ANKFY1: variants seen among roughly 807,000 people sequenced by gnomAD.
ANKFY1 encodes ankyrin repeat and FYVE domain-containing protein 1.
In ANKFY1, 47 loss-of-function variants were observed where a neutral mutation model predicts 128.3. That is an observed-to-expected ratio of 0.37 (90% CI 0.29 to 0.47). ANKFY1 has a LOEUF of 0.47. Among genes scored for constraint, ANKFY1 ranks in the 20% least tolerant of loss-of-function variants. The pLI is 1.00. For synonymous variants in ANKFY1, 553 were observed against 601.6 expected, an observed-to-expected ratio of 0.92 and a Z score of 1.18; for missense variants, 1,222 against 1,510.6, an observed-to-expected ratio of 0.81 and a Z score of 3.17.
chr17:4,252,565 C>CAA (rs372440248), intron 1 of ANKFY1, among the ~76,000 whole-genome samples: 2,763 of 147,428 alleles, frequency 0.019, 80 homozygotes, highest in African/African-American at 0.065. Context: ...AACAAACAAA[C>CAA]AAAAAAAAAA....
At chr17:4,263,523 C>G in intron 1 of ANKFY1, 1 of 1,521,330 alleles carries the variant, frequency 6.6e-7, no homozygotes, top group Non-Finnish European at 8.8e-7. Flanking sequence ...CTTCCGCAAG[C>G]GAGGGATGGA....
chr17:4,182,165 G>A lies in ANKFY1; in HGVS notation c.2121+16C>T, dbSNP rs2059527649. On this transcript the variant is annotated intron_variant, in intron 15 of 24. Transcript: ENST00000341657. ...TCCCCATCTGTAAACAGAGGCTAACGTTGTGCCTGTCTCACCAGAGTGGAT... is the reference window on the plus strand; with the variant it reads ...TCCCCATCTGTAAACAGAGGCTAACATTGTGCCTGTCTCACCAGAGTGGAT... 6.8e-6 allele frequency: 10 copies of A among 1,475,954 alleles called. No homozygotes were observed. Among genetic ancestry groups the A allele is most frequent in the East Asian group, 2.5e-5 (1 of 40,392 alleles). The allele number at this position is 1,475,954 out of a possible 1,614,324, so 91.4% of individuals were successfully genotyped here. A position where few individuals can be genotyped will look rare whatever the true frequency, so the allele number is the denominator to read the frequency against.
At chr17:4,189,310 T>G in intron 11 of ANKFY1, 72 bp downstream of exon 11, 2 of 1,328,802 alleles carry the variant, frequency 1.5e-6, no homozygotes, top group South Asian at 1.3e-5. Flanking sequence ...TTCCCCTTTT[T>G]CCTACATATC....
Position 4,185,010 on chromosome 17 carries a change from G to C in ANKFY1, c.1507C>G (p.Leu503Val). The change falls in exon 12 of 25, where the codon CTG becomes GTG. Residue 503 changes from leucine to valine, a missense_variant. Physicochemically the swap from Leu to Val is conservative, Grantham distance 32. Transcript: ENST00000341657. ...AGGAGCTCTGCCGTGAGGTTGGCCA[G>C]GCCATGCCGACACGCTGTGTGCAAC... ...TPLHTACRHGLANLTAELLQQ... is the reference protein window; with the variant it reads ...TPLHTACRHGVANLTAELLQQ... 2 of 1,613,752 alleles carry C rather than the reference G, an allele frequency of 1.2e-6. No individual in the cohort carries two copies. Among genetic ancestry groups the C allele is most frequent in the Non-Finnish European group, 1.7e-6 (2 of 1,180,036 alleles).
At chr17:4,200,723 G>C (rs1292013326) in intron 7 of ANKFY1, among the ~76,000 whole-genome samples, 1 of 152,192 alleles carries the variant, frequency 6.6e-6, no homozygotes, top group Admixed American at 6.5e-5. Context: ...TCTTTCCATA[G>C]GATGTGCTTT....
chr17:4,257,318 T>A (rs1968180938), intron 1 of ANKFY1, among the ~76,000 whole-genome samples: 1 of 152,192 alleles, frequency 6.6e-6, no homozygotes, highest in African/African-American at 2.4e-5. Flanking sequence ...TCCTCTACAC[T>A]GCAGTCATTT....
chr17:4,235,830 G>A lies in ANKFY1; in HGVS notation c.264C>T (p.Ala88=). The change falls in exon 3 of 25, where the codon GCC becomes GCT. Residue 88 remains alanine, a synonymous_variant. Coordinates refer to ENST00000341657, the MANE Select transcript of ANKFY1 (RefSeq NM_001330063.2). ...TAGCCAGACTCCAGCTGTCACTGCG[G>A]GCTGCCAGGACAAACTTGTGAGCAC... The part of the protein sequence containing the change: ...HISAHKFVLA[A]RSDSWSLANL... 2 of 1,614,162 alleles carry A rather than the reference G, an allele frequency of 1.2e-6. No individual in the cohort carries two copies. Among genetic ancestry groups the A allele is most frequent in the Non-Finnish European group, 1.7e-6 (2 of 1,180,030 alleles).
chr17:4,223,851 G>T, intron 3 of ANKFY1: 1 of 1,083,312 alleles, frequency 9.2e-7, no homozygotes, highest in South Asian at 1.4e-5. Context: ...CAATCCCACA[G>T]CATCAGGAGA....
intron 9 of ANKFY1, 41 bp from the exon 10 acceptor site, chr17:4,195,218 T>C (rs1482644438): frequency 9.0e-6 from 14 of 1,556,530 alleles, no homozygotes; most frequent in Non-Finnish European, 1.0e-5. Context: ...TACAATCTTT[T>C]TGAGACACTC....
intron 1 of ANKFY1, among the ~76,000 whole-genome samples, chr17:4,258,664 T>G (rs1481635133): frequency 6.6e-6 from 1 of 152,192 alleles, no homozygotes; most frequent in African/African-American, 2.4e-5. Flanking sequence ...ATCTGTGCTG[T>G]CCATTAGGGG....
intron 12 of ANKFY1, 131 bp downstream of exon 12, chr17:4,184,687 G>A (rs2059578621): frequency 1.0e-6 from 1 of 997,882 alleles, no homozygotes. Context: ...AGTTTGACCT[G>A]AAAGGATTTT....
chr17:4,258,296 C>A (rs916721553), intron 1 of ANKFY1, among the ~76,000 whole-genome samples: 1 of 152,004 alleles, frequency 6.6e-6, no homozygotes, highest in Non-Finnish European at 1.5e-5. Context: ...GAGGCCGAGG[C>A]GGGCGGATCA....
intron 3 of ANKFY1, among the ~76,000 whole-genome samples, chr17:4,225,499 T>C (rs2060410365): frequency 6.6e-6 from 1 of 152,182 alleles, no homozygotes. Context: ...CCTCAAACCA[T>C]ATTTCTAAAT....
chr17:4,177,407 TTCC>T, intron 18 of ANKFY1, 105 bp from the exon 19 acceptor site: 2 of 1,038,382 alleles, frequency 1.9e-6, no homozygotes, highest in Non-Finnish European at 2.7e-6. Flanking sequence ...GATGGAGACC[TTCC>T]CTCAGTCTTA....
intron 4 of ANKFY1, among the ~76,000 whole-genome samples, chr17:4,215,617 A>G (rs1294747977): frequency 1.3e-5 from 2 of 152,200 alleles, no homozygotes; most frequent in Non-Finnish European, 2.9e-5. Flanking sequence ...ATGACAGATA[A>G]TAACTCGATA....
chr17:4,227,052 T>C (rs2060438524), intron 3 of ANKFY1, among the ~76,000 whole-genome samples: 2 of 152,310 alleles, frequency 1.3e-5, no homozygotes, highest in Middle Eastern at 6.8e-3. Flanking sequence ...CCTATATCTA[T>C]ACAAAATACA....
chr17:4,190,074 T>C, intron 10 of ANKFY1, among the ~76,000 whole-genome samples: 1 of 152,182 alleles, frequency 6.6e-6, no homozygotes, highest in Non-Finnish European at 1.5e-5. Context: ...GGATAAATTC[T>C]TTGTTGTGGG....
At chr17:4,187,096 G>T (rs989208231) in intron 11 of ANKFY1, 25 of 998,148 alleles carry the variant, frequency 2.5e-5, no homozygotes, top group Middle Eastern at 3.7e-4. Flanking sequence ...TAGTGCACCC[G>T]TCACCTGAGC....
chr17:4,179,917 G>A (rs1453217114), intron 16 of ANKFY1, 40 bp from the exon 17 acceptor site: 1 of 1,610,958 alleles, frequency 6.2e-7, no homozygotes, highest in Admixed American at 1.7e-5. Context: ...GCCACGCTTG[G>A]ACCTGGCGTA....
Sources: allele counts gnomAD v4.1 joint callset (sites outside exome capture counted in the v4.1 genomes callset), GRCh38; gene constraint gnomAD v4.1.1; transcripts MANE v1.5; gene names NCBI Gene and HGNC (gene_info 2026-07-23, HGNC 2026-07-21).